HMCN1: variants seen among roughly 807,000 people sequenced by gnomAD.
The protein encoded by HMCN1 is hemicentin-1.
A neutral mutation model predicts 625.9 loss-of-function variants in HMCN1; 321 were observed. That is an observed-to-expected ratio of 0.51 (90% CI 0.47 to 0.56). The LOEUF is 0.56. Among genes scored for constraint, HMCN1 ranks in the 20% least tolerant of loss-of-function variants. The probability of loss-of-function intolerance (pLI) is 0.00; values close to 1 mark genes in which losing one functional copy is unlikely to be tolerated. For missense variants in HMCN1, 6,588 were observed against 6,887.3 expected (o/e 0.96, Z 1.54); for synonymous variants, 2,425 against 2,417.6 (o/e 1.00, Z -0.09).
intron 1 of HMCN1, among the ~76,000 whole-genome samples, chr1:185,785,148 G>A (rs1196570718): frequency 6.6e-6 from 1 of 152,192 alleles, no homozygotes; most frequent in African/African-American, 2.4e-5. Context: ...CTTTTTGGGG[G>A]TGTGTTTTCA....
At chr1:185,857,710 T>C (rs1191464699) in intron 2 of HMCN1, among the ~76,000 whole-genome samples, 1 of 152,186 alleles carries the variant, frequency 6.6e-6, no homozygotes, top group East Asian at 1.9e-4. Flanking sequence ...AGGCTGAGTA[T>C]GTTAAGTGTA....
At chr1:185,911,119 C>T (rs949071541) in intron 5 of HMCN1, among the ~76,000 whole-genome samples, 3 of 152,136 alleles carry the variant, frequency 2.0e-5, no homozygotes, top group African/African-American at 7.2e-5. Flanking sequence ...TAAGGTTTTA[C>T]ACTTTGTGTA....
chr1:185,814,233 C>T (rs1023852157), intron 1 of HMCN1, among the ~76,000 whole-genome samples: 2 of 152,158 alleles, frequency 1.3e-5, no homozygotes, highest in Non-Finnish European at 2.9e-5. Context: ...TCTTTTGAAG[C>T]AATTGCTGAT....
intron 36 of HMCN1, among the ~76,000 whole-genome samples, chr1:186,029,064 C>A (rs951103887): frequency 1.3e-5 from 2 of 151,862 alleles, no homozygotes; most frequent in Admixed American, 1.3e-4. Flanking sequence ...TGGAAACTAC[C>A]TTGAGGACAT....
chr1:185,828,635 G>A (rs1331505768), intron 1 of HMCN1, among the ~76,000 whole-genome samples: 1 of 152,022 alleles, frequency 6.6e-6, no homozygotes, highest in Non-Finnish European at 1.5e-5. Context: ...GCCATGGAGT[G>A]TTAACAAGAG....
At chr1:186,043,697 G>A (rs6425013) in intron 40 of HMCN1, among the ~76,000 whole-genome samples, 92,521 of 151,912 alleles carry the variant, frequency 0.61, 29,131 homozygotes, top group African/African-American at 0.78. Context: ...TTATTTCCAA[G>A]CTGTGAAATC....
chr1:185,901,010 G>A (rs1474376123), intron 4 of HMCN1, among the ~76,000 whole-genome samples: 1 of 151,864 alleles, frequency 6.6e-6, no homozygotes, highest in Non-Finnish European at 1.5e-5. Flanking sequence ...CTGAAAGTGA[G>A]GGAGCCTCAA....
At chr1:185,870,378 C>T (rs116275793) in intron 4 of HMCN1, among the ~76,000 whole-genome samples, 260 of 152,198 alleles carry the variant, frequency 1.7e-3, no homozygotes, top group African/African-American at 5.9e-3. Flanking sequence ...GTCAAAGAAG[C>T]TAACACAAAA....
chr1:185,858,242 C>T (rs1662595465), intron 2 of HMCN1, among the ~76,000 whole-genome samples: 1 of 152,076 alleles, frequency 6.6e-6, no homozygotes, highest in Admixed American at 6.6e-5. Context: ...TGAATTAACA[C>T]AGGTAAAGTG....
In HMCN1 at chr1:185,808,110, C is replaced by T. The variant is rs78652473; in HGVS notation, c.269-37916C>T. 9.2e-3 allele frequency among the ~76,000 whole-genome samples: 1,406 copies of T among 152,094 alleles called. 21 individuals are homozygous for T. The highest frequency in any genetic ancestry group is 0.031 in the African/African-American group (1,267 of 41,480). On this transcript the variant is annotated intron_variant, in intron 1 of 106. Coordinates refer to ENST00000271588, the MANE Select transcript of HMCN1 (RefSeq NM_031935.3). ...CCTGTAATCCCAGCACTTTGGGAGG[C>T]GAAGGTGGGTGTATCACTTGAGGCC...
chr1:186,160,009 C>G (rs926204084), intron 97 of HMCN1, among the ~76,000 whole-genome samples: 6 of 150,660 alleles, frequency 4.0e-5, no homozygotes, highest in African/African-American at 1.2e-4. Context: ...CCAGTTCCTC[C>G]TTGTACCTCT....
At position 185,735,148 on chromosome 1, in the gene HMCN1, T is replaced by TAA. The variant is rs139597135; in HGVS notation, c.268+107_268+108dup. 173 of 1,310,734 alleles carry TAA rather than the reference T, an allele frequency of 1.3e-4. 1 individual carries two copies. In the African/African-American group the frequency reaches 2.3e-3, roughly 17 times the overall value. 81.2% of individuals were successfully genotyped at this position (1,310,734 alleles called of 1,614,324 possible). A position where few individuals can be genotyped will look rare whatever the true frequency, so the allele number is the denominator to read the frequency against. Reference sequence around the variant, plus strand: ...TTGTCAGGAAGTTTCAAAACCATTTTAAAAAAATGTGCAGCTGAAAATAGT... The same window carrying TAA: ...TTGTCAGGAAGTTTCAAAACCATTTTAAAAAAAAATGTGCAGCTGAAAATAGT... On this transcript the variant is annotated intron_variant, in intron 1 of 106. Coordinates refer to ENST00000271588, the MANE Select transcript of HMCN1 (RefSeq NM_031935.3).
intron 11 of HMCN1, among the ~76,000 whole-genome samples, chr1:185,951,798 G>A (rs1649180229): frequency 6.6e-6 from 1 of 151,802 alleles, no homozygotes; most frequent in Admixed American, 6.6e-5. Context: ...AGGAACGCCT[G>A]GCTGCTGCGG....
chr1:185,963,949 C>A, intron 13 of HMCN1, 54 bp downstream of exon 13: 2 of 1,510,778 alleles, frequency 1.3e-6, no homozygotes, highest in Non-Finnish European at 1.8e-6. Flanking sequence ...TCACATCAAG[C>A]AATGCAAAAG....
At chr1:185,973,025 C>T (rs146026239) in intron 15 of HMCN1, among the ~76,000 whole-genome samples, 117 of 152,236 alleles carry the variant, frequency 7.7e-4, no homozygotes, top group Non-Finnish European at 7.4e-5. Context: ...CAAATCAAAA[C>T]TTTCCCCAGA....
chr1:186,021,131 A>G (rs1433796144), intron 35 of HMCN1, among the ~76,000 whole-genome samples: 1 of 152,096 alleles, frequency 6.6e-6, no homozygotes, highest in Non-Finnish European at 1.5e-5. Flanking sequence ...CATGCAGATG[A>G]GGATACTTGG....
At position 185,770,487 on chromosome 1, in the gene HMCN1, GC is replaced by G. The variant is rs986147839; in HGVS notation, c.268+35441del. On this transcript the variant is annotated intron_variant, in intron 1 of 106. Coordinates refer to ENST00000271588, the MANE Select transcript of HMCN1 (RefSeq NM_031935.3). ...AAAATACAAAGATGGCATATGGCTA[GC>G]TATGATTTTCTTGTCCTGAAGAAAA... Among the ~76,000 whole-genome samples the G allele has an allele frequency of 3.9e-4, 60 of 152,250 alleles. 1 individual carries two copies. The highest frequency in any genetic ancestry group is 1.3e-3 in the African/African-American group (56 of 41,562).
At chr1:185,790,757 CA>C (rs1376632212) in intron 1 of HMCN1, among the ~76,000 whole-genome samples, 1 of 152,218 alleles carries the variant, frequency 6.6e-6, no homozygotes, top group Non-Finnish European at 1.5e-5. Context: ...ATGCCACACA[CA>C]TTCTCCGATG....
intron 4 of HMCN1, among the ~76,000 whole-genome samples, chr1:185,902,279 G>A (rs905033753): frequency 6.6e-6 from 1 of 150,710 alleles, no homozygotes; most frequent in Non-Finnish European, 1.5e-5. Context: ...ACTGTTTTAT[G>A]GAAGAGAGGA....
Sources: gnomAD v4.1 joint callset for allele counts (sites outside exome capture counted in the v4.1 genomes callset) on GRCh38, gnomAD v4.1.1 for gene constraint, MANE v1.5 for transcripts, NCBI Gene and HGNC (gene_info 2026-07-23, HGNC 2026-07-21) for gene names.